IPO9: variants seen among roughly 807,000 people sequenced by gnomAD.
The protein encoded by IPO9 is importin 9, also known as importin-9.
A neutral mutation model predicts 128.6 loss-of-function variants in IPO9; 28 were observed. The ratio of observed to expected loss-of-function variants is 0.22; its 90% CI spans 0.16 to 0.30. The LOEUF (loss-of-function observed/expected upper bound fraction) is 0.30, where lower values mean the gene tolerates loss of function less well. Among genes scored for constraint, IPO9 ranks in the 10% least tolerant of loss-of-function variants. The pLI, the probability that IPO9 is intolerant of heterozygous loss-of-function variation, is 1.00. For missense variants in IPO9, 935 were observed against 1,293.9 expected, an observed-to-expected ratio of 0.72 and a Z score of 4.26; for synonymous variants, 455 against 475.8, an observed-to-expected ratio of 0.96 and a Z score of 0.57.
rs1571546119 is a variant in IPO9, at chr1:201,853,025, A to G, written c.618A>G (p.Arg206=). 4 of 1,614,116 alleles carry G rather than the reference A, an allele frequency of 2.5e-6. No homozygotes were observed. Among genetic ancestry groups the G allele is most frequent in the Non-Finnish European group, 3.4e-6 (4 of 1,179,972 alleles). The change falls in exon 6 of 24, where the codon CGA becomes CGG. Residue 206 remains arginine, a synonymous_variant. Coordinates refer to ENST00000361565, the MANE Select transcript of IPO9 (RefSeq NM_018085.5). Reference sequence around the variant, plus strand: ...CTTTCTTCCAGGTGTATGGTATTCGAACCCGTTCCCGAGCCGTGGAGATTT... The same window carrying G: ...CTTTCTTCCAGGTGTATGGTATTCGGACCCGTTCCCGAGCCGTGGAGATTT... ...IFTMAEVYGI[R]TRSRAVEIFT...
intron 1 of IPO9, among the ~76,000 whole-genome samples, chr1:201,842,220 G>A (rs1489932169): frequency 6.6e-6 from 1 of 152,180 alleles, no homozygotes; most frequent in East Asian, 1.9e-4. Context: ...GCAGCTCACA[G>A]AACTTAGGGA....
intron 19 of IPO9, 45 bp from the exon 20 acceptor site, chr1:201,872,783 C>A: frequency 1.3e-6 from 2 of 1,579,546 alleles, no homozygotes; most frequent in Non-Finnish European, 1.7e-6. Flanking sequence ...GGAGTGAACT[C>A]GAGATGGGCG....
intron 1 of IPO9, among the ~76,000 whole-genome samples, chr1:201,837,056 T>G (rs1679954815): frequency 6.6e-6 from 1 of 152,242 alleles, no homozygotes; most frequent in African/African-American, 2.4e-5. Flanking sequence ...CTTAAAATAC[T>G]TGTTGTAGGT....
intron 15 of IPO9, among the ~76,000 whole-genome samples, chr1:201,867,188 T>C (rs184044616): frequency 6.6e-6 from 1 of 152,292 alleles, no homozygotes; most frequent in African/African-American, 2.4e-5. Flanking sequence ...TAGTAAGGAC[T>C]TAGGGATAAA....
Position 201,876,344 on chromosome 1 carries a change from C to T in IPO9, c.*290C>T, listed in dbSNP as rs1680762915. ...CTCTGTTCCTAGAGCCCTCTGCTGG[C>T]GAGTCCAGAAACATTATTGCCCAGA... On this transcript the variant is annotated 3_prime_UTR_variant, in exon 24 of 24. Coordinates refer to ENST00000361565, the MANE Select transcript of IPO9 (RefSeq NM_018085.5). The T allele has an allele frequency of 5.8e-6, 3 of 513,206 alleles. No individual in the cohort carries two copies. Among genetic ancestry groups the T allele is most frequent in the South Asian group, 2.0e-5 (1 of 50,216 alleles). 31.8% of individuals were successfully genotyped at this position (513,206 alleles called of 1,614,324 possible).
intron 1 of IPO9, among the ~76,000 whole-genome samples, chr1:201,846,859 G>A (rs1199004745): frequency 6.6e-6 from 1 of 152,078 alleles, no homozygotes; most frequent in Non-Finnish European, 1.5e-5. Flanking sequence ...AGTAGAGATG[G>A]GGTTTCACCA....
At position 201,836,077 on chromosome 1, in the gene IPO9, A is replaced by T. The variant is rs369670348; in HGVS notation, c.163+6705A>T. Among the ~76,000 whole-genome samples, 204 of 125,866 alleles carry T rather than the reference A, an allele frequency of 1.6e-3. 1 individual carries two copies. Among genetic ancestry groups the T allele is most frequent in the African/African-American group, 5.9e-3 (191 of 32,512 alleles). The allele number at this position is 125,866 out of a possible 152,430, so 82.6% of individuals were successfully genotyped here. A position where few individuals can be genotyped will look rare whatever the true frequency, so the allele number is the denominator to read the frequency against. ...CAGTGAGCCAAGATCACACCACTGC[A>T]CTCCAGCCCTCCAGCCTGGGTGACA... is the stretch of plus-strand genomic sequence containing the variant. On this transcript the variant is annotated intron_variant, in intron 1 of 23. Transcript: ENST00000361565.
chr1:201,848,711 T>C, intron 4 of IPO9, 117 bp downstream of exon 4: 1 of 960,204 alleles, frequency 1.0e-6, no homozygotes, highest in Non-Finnish European at 1.6e-6. Context: ...ATGTTATTCC[T>C]CCCTCCTAGT....
At chr1:201,869,840 C>A in intron 17 of IPO9, 122 bp downstream of exon 17, 2 of 1,228,554 alleles carry the variant, frequency 1.6e-6, no homozygotes, top group Non-Finnish European at 2.2e-6. Flanking sequence ...TCCATATTTA[C>A]TTAGCAGATT....
rs1680021281 is a variant in IPO9 at position 201,840,784 on chromosome 1, G to T, written c.164-6495G>T. ...CTGAAAAAAAGCAAAGTGCAAAAGA[G>T]TGTCTGTAATATACTCTTTTTCATG... On this transcript the variant is annotated intron_variant, in intron 1 of 23. Transcript: ENST00000361565. Among the ~76,000 whole-genome samples the T allele has an allele frequency of 2.0e-5, 3 of 152,096 alleles. No individual in the cohort carries two copies. The South Asian group carries it at 6.2e-4, about 31-fold the overall frequency.
chr1:201,833,178 T>C (rs1052881800), intron 1 of IPO9, among the ~76,000 whole-genome samples: 2 of 152,136 alleles, frequency 1.3e-5, no homozygotes, highest in Non-Finnish European at 1.5e-5. Context: ...AGCGTGTCAA[T>C]CTGAAAAGGA....
chr1:201,871,621 G>T (rs969010544), intron 19 of IPO9, among the ~76,000 whole-genome samples: 2 of 151,932 alleles, frequency 1.3e-5, no homozygotes, highest in Non-Finnish European at 2.9e-5. Flanking sequence ...TTGAACTCCT[G>T]ACCTCAAGTG....
At chr1:201,857,908 A>C (rs1011803998) in intron 11 of IPO9, among the ~76,000 whole-genome samples, 2 of 152,198 alleles carry the variant, frequency 1.3e-5, no homozygotes, top group Admixed American at 6.5e-5. Context: ...AAAGATTAAC[A>C]TCCAAATACC....
At chr1:201,835,654 T>G (rs1207350519) in intron 1 of IPO9, among the ~76,000 whole-genome samples, 1 of 152,252 alleles carries the variant, frequency 6.6e-6, no homozygotes. Context: ...GCCCTTTGGC[T>G]CAACTTCATA....
At position 201,854,910 on chromosome 1, in the gene IPO9, G is replaced by A. The variant is rs762761676; in HGVS notation, c.898G>A (p.Glu300Lys). ...GCCTATTGTTTGGAACACCCTAACC[G>A]AGAGTGCAGCTTTATATCCTTTCTT... ...ILPIVWNTLT[E>K]SAAFYVRTEV... The change falls in exon 8 of 24, where the codon GAG (glutamate) becomes AAG (lysine). Residue 300 changes from glutamate (E) to lysine (K), a missense_variant. Glu to Lys is a moderately conservative substitution (Grantham distance 56). This residue lies in a region of IPO9 where 741 missense variants were observed against 1,019.1 expected (regional missense o/e 0.73). Coordinates refer to ENST00000361565, the MANE Select transcript of IPO9 (RefSeq NM_018085.5). 9 of 1,604,706 alleles carry A rather than the reference G, an allele frequency of 5.6e-6. No homozygotes were observed. Among genetic ancestry groups the A allele is most frequent in the South Asian group, 3.4e-5 (3 of 89,208 alleles).
At chr1:201,874,170 G>A (rs1232223011) in intron 20 of IPO9, 80 bp from the exon 21 acceptor site, 41 of 1,479,542 alleles carry the variant, frequency 2.8e-5, no homozygotes, top group Non-Finnish European at 3.4e-5. Context: ...TCTGGTGAGT[G>A]GCACTGAGGA....
At chr1:201,872,481 A>G (rs761822198) in intron 19 of IPO9, among the ~76,000 whole-genome samples, 5 of 151,846 alleles carry the variant, frequency 3.3e-5, no homozygotes, top group South Asian at 2.1e-4. Flanking sequence ...GCGCATGCCT[A>G]TAGTCCCAGC....
At chr1:201,869,532 G>C in intron 16 of IPO9, 58 bp from the exon 17 acceptor site, 3 of 1,595,802 alleles carry the variant, frequency 1.9e-6, no homozygotes, top group Non-Finnish European at 2.6e-6. Context: ...GATCTTGGTT[G>C]TTGGGCAACC....
chr1:201,852,948 TAC>T (rs773527392), intron 5 of IPO9, 61 bp from the exon 6 acceptor site: 128 of 1,294,294 alleles, frequency 9.9e-5, no homozygotes, highest in Non-Finnish European at 1.3e-4. Flanking sequence ...TAGTCTGAGA[TAC>T]ACACATACCT....
Sources: allele counts gnomAD v4.1 joint callset (sites outside exome capture counted in the v4.1 genomes callset), GRCh38; gene constraint gnomAD v4.1.1; regional missense constraint gnomAD v4.1.1; transcripts MANE v1.5; gene names NCBI Gene and HGNC (gene_info 2026-07-23, HGNC 2026-07-21).